The following MYO18B variants were observed in gnomAD, a reference collection of about 807,000 sequenced individuals.
MYO18B encodes the protein myosin XVIIIB, also known as unconventional myosin-XVIIIb.
A neutral mutation model predicts 273.0 loss-of-function variants in MYO18B; 204 were observed. That is an observed-to-expected ratio of 0.75 (90% CI 0.67 to 0.84). The LOEUF (loss-of-function observed/expected upper bound fraction) is 0.84, where lower values mean the gene tolerates loss of function less well. Among genes scored for constraint, MYO18B ranks in the 40% least tolerant of loss-of-function variants. The pLI, the probability that MYO18B is intolerant of heterozygous loss-of-function variation, is 0.00. For synonymous variants in MYO18B, 1,330 were observed against 1,305.7 expected (o/e 1.02, Z -0.40); for missense variants, 3,212 against 3,287.6 (o/e 0.98, Z 0.56).
chr22:26,040,819 G>A, the MYO18B span, among the ~76,000 whole-genome samples: 1 of 152,254 alleles, frequency 6.6e-6, no homozygotes, highest in East Asian at 1.9e-4. Flanking sequence ...GTGAGGAATG[G>A]TGGACAAGAT....
chr22:25,851,347 C>G (rs958387988), intron 20 of MYO18B, 123 bp from the exon 21 acceptor site: 5 of 663,444 alleles, frequency 7.5e-6, no homozygotes, highest in Non-Finnish European at 1.1e-5. Flanking sequence ...TGAGTCCATG[C>G]AGCAAGTTAG....
Position 25,846,178 on chromosome 22 carries a change from C to T in MYO18B, c.3447C>T (p.Thr1149=). The change falls in exon 19 of 44, where the codon ACC becomes ACT. Residue 1149 remains threonine, a synonymous_variant. Coordinates refer to ENST00000335473, the MANE Select transcript of MYO18B (RefSeq NM_032608.7). ...VCRAVAGLEG[T]SQQALQRSRM... Reference sequence around the variant, plus strand: ...GGGCTGTGGCAGGCCTGGAGGGCACCTCCCAGCAGGCCCTGCAGAGGAGCC... The same window carrying T: ...GGGCTGTGGCAGGCCTGGAGGGCACTTCCCAGCAGGCCCTGCAGAGGAGCC... The T allele has an allele frequency of 6.2e-7, 1 of 1,611,778 alleles. No individual in the cohort carries two copies. The highest frequency in any genetic ancestry group is 8.5e-7 in the Non-Finnish European group (1 of 1,179,504).
chr22:25,889,177 A>ATT (rs11302476), intron 25 of MYO18B, among the ~76,000 whole-genome samples: 5 of 151,696 alleles, frequency 3.3e-5, no homozygotes, highest in African/African-American at 1.2e-4. Context: ...TTGGGGATAT[A>ATT]TTTTTTTTAT....
chr22:25,933,771 T>G (rs1382783704), intron 34 of MYO18B, among the ~76,000 whole-genome samples: 1 of 152,216 alleles, frequency 6.6e-6, no homozygotes, highest in African/African-American at 2.4e-5. Flanking sequence ...TGGTTATGAA[T>G]AGAGCCAGTA....
rs1934489893 is a variant in MYO18B at position 26,007,010 on chromosome 22, C to T, written c.6470+2155C>T. ...CTCAGGCAAGGTGGGTCTTCAGCAT[C>T]TCCCAGAGAGCCCTATCCAGAGTCT... On this transcript the variant is annotated intron_variant, in intron 42 of 43. Coordinates refer to ENST00000335473, the MANE Select transcript of MYO18B (RefSeq NM_032608.7). 2.0e-5 allele frequency among the ~76,000 whole-genome samples: 3 copies of T among 152,346 alleles called. No homozygotes were observed. In the South Asian group the frequency reaches 6.2e-4, roughly 32 times the overall value.
chr22:25,930,227 T>A (rs1322371120), intron 34 of MYO18B, among the ~76,000 whole-genome samples: 1 of 152,170 alleles, frequency 6.6e-6, no homozygotes, highest in African/African-American at 2.4e-5. Flanking sequence ...CCGCCTCTCC[T>A]TCCCCACAAT....
At chr22:25,981,180 C>A (rs1308732584) in intron 39 of MYO18B, among the ~76,000 whole-genome samples, 1 of 152,218 alleles carries the variant, frequency 6.6e-6, no homozygotes, top group Non-Finnish European at 1.5e-5. Flanking sequence ...TCTCTAAATA[C>A]AGTTACATTC....
Position 25,943,681 on chromosome 22 carries a change from C to T in MYO18B, c.5518-2456C>T, listed in dbSNP as rs187493798. Among the ~76,000 whole-genome samples, 558 of 150,994 alleles carry T rather than the reference C, an allele frequency of 3.7e-3. 4 individuals are homozygous for T. The highest frequency in any genetic ancestry group is 5.2e-3 in the Non-Finnish European group (350 of 67,768). Reference sequence around the variant, plus strand: ...CTGCCCAGTGCGCTCTGCACATGGCCATCTACTTTGCATCTTGTTTCTTTC... The same window carrying T: ...CTGCCCAGTGCGCTCTGCACATGGCTATCTACTTTGCATCTTGTTTCTTTC... On this transcript the variant is annotated intron_variant, in intron 34 of 43. Coordinates refer to ENST00000335473, the MANE Select transcript of MYO18B (RefSeq NM_032608.7).
intron 12 of MYO18B, among the ~76,000 whole-genome samples, chr22:25,802,767 A>AAAAAAAAAAC (rs1569041096): frequency 7.4e-6 from 1 of 134,972 alleles, no homozygotes; most frequent in Non-Finnish European, 1.5e-5. Flanking sequence ...AAAAAAAAAA[A>AAAAAAAAAAC]AAAAAAAAAC....
chr22:25,987,357 C>T (rs545998129), intron 39 of MYO18B, among the ~76,000 whole-genome samples: 50 of 152,232 alleles, frequency 3.3e-4, no homozygotes, highest in African/African-American at 1.1e-3. Flanking sequence ...GAGGGAGTAG[C>T]CCGGGGGTTT....
the MYO18B span, among the ~76,000 whole-genome samples, chr22:26,045,328 G>A: frequency 3.3e-5 from 5 of 152,070 alleles, no homozygotes; most frequent in African/African-American, 7.2e-5. Context: ...TGGGTCATCC[G>A]AGAAACAGAC....
chr22:25,802,694 G>A (rs1306788937), intron 12 of MYO18B, among the ~76,000 whole-genome samples: 2 of 150,100 alleles, frequency 1.3e-5, no homozygotes, highest in African/African-American at 4.9e-5. Context: ...CAGAGCTTGC[G>A]GTGAGCTGAG....
chr22:25,747,934 G>A (rs760519158), intron 1 of MYO18B, among the ~76,000 whole-genome samples: 4 of 152,126 alleles, frequency 2.6e-5, no homozygotes, highest in Non-Finnish European at 5.9e-5. Context: ...GCATAGTGAG[G>A]CCCACTCTTA....
intron 7 of MYO18B, 40 bp downstream of exon 7, chr22:25,772,550 G>A (rs1290678621): frequency 3.5e-5 from 55 of 1,584,758 alleles, no homozygotes; most frequent in Non-Finnish European, 4.4e-5. Context: ...AGGGGCTGAG[G>A]GCAGGGGGGC....
rs532732899 is a variant in MYO18B at position 25,955,538 on chromosome 22, T to C, written c.6156+174T>C. Among the ~76,000 whole-genome samples the C allele has an allele frequency of 2.6e-5, 4 of 152,228 alleles. No homozygotes were observed. In the East Asian group the frequency reaches 7.7e-4, roughly 29 times the overall value. On this transcript the variant is annotated intron_variant, in intron 39 of 43. Coordinates refer to ENST00000335473, the MANE Select transcript of MYO18B (RefSeq NM_032608.7). ...AGAGTGGGCTGAGACAACACCGTCA[T>C]TGGCTGCAAACCCTGGAGGTGGGCC...
intron 40 of MYO18B, 77 bp downstream of exon 40, chr22:25,992,570 G>A: frequency 1.3e-6 from 2 of 1,585,846 alleles, no homozygotes; most frequent in South Asian, 1.1e-5. Context: ...CCTTTAGCCG[G>A]GCTGGGGCCA....
At chr22:25,984,163 TG>T (rs1364266534) in intron 39 of MYO18B, among the ~76,000 whole-genome samples, 1 of 152,214 alleles carries the variant, frequency 6.6e-6, no homozygotes, top group East Asian at 1.9e-4. Flanking sequence ...TAACACCTTT[TG>T]TCAAGGAATA....
chr22:26,045,879 C>T, the MYO18B span, among the ~76,000 whole-genome samples: 2 of 152,164 alleles, frequency 1.3e-5, no homozygotes, highest in Non-Finnish European at 2.9e-5. Context: ...CCGTGTATAC[C>T]ACTGGGCTTC....
chr22:25,926,746 T>C (rs192009567), intron 34 of MYO18B, among the ~76,000 whole-genome samples: 1 of 152,226 alleles, frequency 6.6e-6, no homozygotes, highest in East Asian at 1.9e-4. Flanking sequence ...TCAAGGTCTC[T>C]GCCCTTAAGG....
Sources: allele counts gnomAD v4.1 joint callset (sites outside exome capture counted in the v4.1 genomes callset), GRCh38; gene constraint gnomAD v4.1.1; transcripts MANE v1.5; gene names NCBI Gene and HGNC (gene_info 2026-07-23, HGNC 2026-07-21).